The following UBXN6 variants were observed in gnomAD, a reference collection of about 807,000 sequenced individuals.
UBXN6 encodes the protein UBX domain-containing protein 6.
A neutral mutation model predicts 51.4 loss-of-function variants in UBXN6; 44 were observed. That is an observed-to-expected ratio of 0.86 (90% CI 0.67 to 1.10). The LOEUF (loss-of-function observed/expected upper bound fraction) is 1.10. Among genes scored for constraint, UBXN6 ranks in the 50% least tolerant of loss-of-function variants. The pLI is 0.00. For missense variants in UBXN6, 672 were observed against 596.1 expected (o/e 1.13, Z -1.32); for synonymous variants, 316 against 263.2 (o/e 1.20, Z -1.94).
At chr19:4,448,773 A>C (rs1358710356) in intron 4 of UBXN6, 2 of 245,546 alleles carry the variant, frequency 8.1e-6, no homozygotes, top group Non-Finnish European at 1.6e-5. Flanking sequence ...CACTTACAGA[A>C]CCTCCCGCCA....
chr19:4,456,782 G>A (rs1974745357), intron 1 of UBXN6, among the ~76,000 whole-genome samples: 1 of 152,110 alleles, frequency 6.6e-6, no homozygotes, highest in Non-Finnish European at 1.5e-5. Context: ...TCGCAGAGAA[G>A]CTCTTTCTCC....
At chr19:4,447,898 G>A in intron 5 of UBXN6, 1 of 523,216 alleles carries the variant, frequency 1.9e-6, no homozygotes. Flanking sequence ...CAGCGGTGGG[G>A]AAGCCACAGT....
At chr19:4,447,770 G>C in intron 5 of UBXN6, 145 bp from the exon 6 acceptor site, 1 of 768,964 alleles carries the variant, frequency 1.3e-6, no homozygotes, top group East Asian at 2.7e-5. Context: ...GAGGGCAGCA[G>C]ACCATCTCCG....
rs988020112 is a variant in UBXN6, at chr19:4,455,269, G to A, written c.84-1176C>T. 12 of 985,426 alleles carry A rather than the reference G, an allele frequency of 1.2e-5. No individual in the cohort carries two copies. In the South Asian group the frequency reaches 5.6e-4, roughly 46 times the overall value. 61.0% of individuals were successfully genotyped at this position (985,426 alleles called of 1,614,324 possible). A position where few individuals can be genotyped will look rare whatever the true frequency, so the allele number is the denominator to read the frequency against. On this transcript the variant is annotated intron_variant, in intron 1 of 10. Transcript: ENST00000301281. The stretch of plus-strand genomic sequence containing the variant: ...TAGGTCTATTAAAACCTTCTGGGAG[G>A]CCAGGCTCTCAGTTCAAGCCCTATA...
chr19:4,447,527 C>T (rs776364037), intron 6 of UBXN6, 23 bp downstream of exon 6: 34 of 1,612,236 alleles, frequency 2.1e-5, no homozygotes, highest in East Asian at 1.3e-4. Flanking sequence ...GCCTGGGCCC[C>T]GGGGGCCAGA....
chr19:4,448,327 G>T lies in UBXN6; in HGVS notation c.530C>A (p.Thr177Asn). 1 of 1,606,812 alleles carries T rather than the reference G, an allele frequency of 6.2e-7. No individual in the cohort carries two copies. Among genetic ancestry groups the T allele is most frequent in the Non-Finnish European group, 8.5e-7 (1 of 1,177,426 alleles). The change falls in exon 5 of 11, where the codon ACC (threonine) becomes AAC (asparagine). Residue 177 changes from threonine (T) to asparagine (N), a missense_variant. Coordinates refer to ENST00000301281, the MANE Select transcript of UBXN6 (RefSeq NM_025241.3). ...DQDRVKLGVDTIAKYLDNIHL... is the reference protein window; with the variant it reads ...DQDRVKLGVDNIAKYLDNIHL... ...GGGGCCACACGCTCACTTGGCAATGGTGTCCACACCCAGCTTCACCCGGTC... is the reference window on the plus strand; with the variant it reads ...GGGGCCACACGCTCACTTGGCAATGTTGTCCACACCCAGCTTCACCCGGTC...
chr19:4,448,736 A>C (rs2145176867), intron 4 of UBXN6: 1 of 349,604 alleles, frequency 2.9e-6, no homozygotes, highest in Non-Finnish European at 5.4e-6. Flanking sequence ...ACTCGACCTC[A>C]GTGCTGAGAT....
rs115616812 is a variant in UBXN6, at chr19:4,447,644, G to T, written c.540-19C>A. 3,189 of 1,613,598 alleles carry T rather than the reference G, an allele frequency of 2.0e-3. 49 individuals carry two copies. The African/African-American group carries it at 0.033, about 17-fold the overall frequency. On this transcript the variant is annotated intron_variant, in intron 5 of 10. Coordinates refer to ENST00000301281, the MANE Select transcript of UBXN6 (RefSeq NM_025241.3). ...CAGGTACCTGGGGTAGGTGGAGAAG[G>T]TGAGTGGGGCACAGCCCAGGCTGCC...
intron 4 of UBXN6, chr19:4,449,655 TAGGTC>T (rs1974614418): frequency 6.6e-6 from 1 of 152,228 alleles, no homozygotes; most frequent in African/African-American, 2.4e-5. Flanking sequence ...CTGCCAGGCT[TAGGTC>T]AGGAGCTGGG....
chr19:4,455,507 GCCACA>G, intron 1 of UBXN6: 1 of 156,948 alleles, frequency 6.4e-6, no homozygotes, highest in Non-Finnish European at 1.4e-5. Context: ...CCCCTGGGCA[GCCACA>G]GGGACCCTTC....
intron 4 of UBXN6, 133 bp downstream of exon 4, chr19:4,452,231 A>C (rs1974664518): frequency 1.5e-6 from 2 of 1,304,918 alleles, no homozygotes; most frequent in Non-Finnish European, 2.1e-6. Context: ...GGGGTATCAG[A>C]GGAGGGGCTT....
chr19:4,445,668 T>C, intron 10 of UBXN6, 45 bp from the exon 11 acceptor site: 1 of 1,588,732 alleles, frequency 6.3e-7, no homozygotes, highest in Non-Finnish European at 8.6e-7. Context: ...GAGTCGGCCC[T>C]TGCCGCGGCA....
rs150530113 is a variant in UBXN6 at position 4,446,065 on chromosome 19, A to C, written c.1184T>G (p.Leu395Trp). The C allele has an allele frequency of 4.0e-4, 648 of 1,612,176 alleles. 1 individual carries two copies. Among genetic ancestry groups the C allele is most frequent in the Non-Finnish European group, 5.3e-4 (626 of 1,179,616 alleles). ...QKLSEDENLA[L>W]NECGLVPSAL... ...GACACTCACCAGCCCGCACTCGTTC[A>C]AGGCCAGGTTCTCGTCCTCGGACAG... Residue 395 changes from leucine (L) to tryptophan (W), a missense_variant, in exon 10 of 11, where the codon TTG becomes TGG. Coordinates refer to ENST00000301281, the MANE Select transcript of UBXN6 (RefSeq NM_025241.3).
rs370207460 is a variant in UBXN6, at chr19:4,446,177, G to A, written c.1072C>T (p.Arg358Trp). The A allele has an allele frequency of 8.1e-6, 13 of 1,607,076 alleles. No individual in the cohort carries two copies. The highest frequency in any genetic ancestry group is 2.2e-5 in the East Asian group (1 of 44,724). ...ACGAACCCGTACACCGCCCCCAGCCGCTCCCGAGCGTAGAAAGTGCCTGGG... is the reference window on the plus strand; with the variant it reads ...ACGAACCCGTACACCGCCCCCAGCCACTCCCGAGCGTAGAAAGTGCCTGGG... Reference protein sequence around the residue: ...LLQGTFYARERLGAVYGFVRE... With the variant: ...LLQGTFYAREWLGAVYGFVRE... The change falls in exon 10 of 11, where the codon CGG becomes TGG. Residue 358 changes from arginine to tryptophan, a missense_variant. By Grantham distance (101) the Arg-to-Trp change is moderately radical. Transcript: ENST00000301281.
chr19:4,454,378 G>A (rs569509159), intron 1 of UBXN6, among the ~76,000 whole-genome samples: 6 of 152,274 alleles, frequency 3.9e-5, no homozygotes, highest in African/African-American at 1.4e-4. Context: ...TCTGTAAAAT[G>A]GGGTGACAGC....
intron 6 of UBXN6, chr19:4,447,292 A>G: frequency 1.7e-6 from 1 of 573,530 alleles, no homozygotes. Flanking sequence ...ATGTTCCCAA[A>G]CAAGCCCAGC....
At chr19:4,447,133 G>A in intron 6 of UBXN6, 1 of 604,822 alleles carries the variant, frequency 1.7e-6, no homozygotes, top group South Asian at 2.0e-5. Context: ...AGAGGAAAGA[G>A]TCACAACCAG....
chr19:4,446,991 C>T, intron 6 of UBXN6, 71 bp from the exon 7 acceptor site: 1 of 1,493,660 alleles, frequency 6.7e-7, no homozygotes, highest in Non-Finnish European at 9.2e-7. Context: ...CCACCCAGTC[C>T]AGGGGCCCGG....
At chr19:4,457,866 C>T (rs1398302206), upstream of UBXN6, 8 of 442,084 alleles carry the variant, frequency 1.8e-5, no homozygotes, top group Non-Finnish European at 2.6e-5. Context: ...TGGCCTGCCA[C>T]GTGACAATCG....
Sources: gnomAD v4.1 joint callset for allele counts (sites outside exome capture counted in the v4.1 genomes callset) on GRCh38, gnomAD v4.1.1 for gene constraint, MANE v1.5 for transcripts, NCBI Gene and HGNC (gene_info 2026-07-23, HGNC 2026-07-21) for gene names.